Variants in IMMP2L observed in about 807,000 individuals in gnomAD.
IMMP2L encodes mitochondrial inner membrane protease subunit 2.
A neutral mutation model predicts 19.3 loss-of-function variants in IMMP2L; 18 were observed. The ratio of observed to expected loss-of-function variants is 0.93; its 90% CI spans 0.64 to 1.38. The LOEUF is 1.38. Ranked by LOEUF, IMMP2L falls within the 40% of genes most tolerant of loss-of-function variation. The pLI, the probability that IMMP2L is intolerant of heterozygous loss-of-function variation, is 0.00. For synonymous variants in IMMP2L, 76 were observed against 73.0 expected (o/e 1.04, Z -0.21); for missense variants, 233 against 218.2 (o/e 1.07, Z -0.43).
intron 3 of IMMP2L, among the ~76,000 whole-genome samples, chr7:111,101,493 T>G (rs1007202165): frequency 2.0e-5 from 3 of 151,520 alleles, no homozygotes; most frequent in African/African-American, 7.3e-5. Flanking sequence ...TGGGTTAAGA[T>G]TCAAGTCTTT....
rs371822020 is a variant in IMMP2L at position 110,745,750 on chromosome 7, A to T, written c.409-82029T>A. 1.6e-4 allele frequency among the ~76,000 whole-genome samples: 25 copies of T among 152,330 alleles called. 1 individual carries two copies. Among genetic ancestry groups the T allele is most frequent in the African/African-American group, 4.6e-4 (19 of 41,580 alleles). On this transcript the variant is annotated intron_variant, in intron 5 of 5. Coordinates refer to ENST00000405709, the MANE Select transcript of IMMP2L (RefSeq NM_032549.4). ...CTGCCCTACAGGAACTCCTCAAGGA[A>T]GCACTAAACATGGAAAGGAACAACC...
At chr7:110,956,025 T>A (rs1818321978) in intron 4 of IMMP2L, among the ~76,000 whole-genome samples, 1 of 152,156 alleles carries the variant, frequency 6.6e-6, no homozygotes, top group Admixed American at 6.6e-5. Context: ...ATTCATCGTT[T>A]GCTGGAACCT....
chr7:110,918,829 A>G, intron 4 of IMMP2L, among the ~76,000 whole-genome samples: 1 of 152,248 alleles, frequency 6.6e-6, no homozygotes, highest in African/African-American at 2.4e-5. Flanking sequence ...TTTCTCTAAT[A>G]ATTTTAAAAA....
intron 3 of IMMP2L, among the ~76,000 whole-genome samples, chr7:111,218,142 C>T (rs1812150507): frequency 6.6e-6 from 1 of 152,026 alleles, no homozygotes; most frequent in African/African-American, 2.4e-5. Context: ...AATTGTTTAG[C>T]TTAGCATTTA....
chr7:110,854,037 T>A (rs1343010263), intron 5 of IMMP2L, among the ~76,000 whole-genome samples: 3 of 151,870 alleles, frequency 2.0e-5, no homozygotes, highest in African/African-American at 7.2e-5. Flanking sequence ...TAAATCAAAG[T>A]GAAAGCAAAA....
At chr7:110,765,891 T>C (rs1002382907) in intron 5 of IMMP2L, among the ~76,000 whole-genome samples, 3 of 152,180 alleles carry the variant, frequency 2.0e-5, no homozygotes, top group Admixed American at 1.3e-4. Context: ...CTGTTTTTGC[T>C]AGTGCTGTAG....
chr7:111,503,765 C>A (rs1312548450), intron 2 of IMMP2L, among the ~76,000 whole-genome samples: 1 of 152,092 alleles, frequency 6.6e-6, no homozygotes, highest in Non-Finnish European at 1.5e-5. Context: ...TGACAAAATT[C>A]AACAACCCTT....
At chr7:111,338,251 T>C (rs1006710001) in intron 3 of IMMP2L, among the ~76,000 whole-genome samples, 1 of 152,138 alleles carries the variant, frequency 6.6e-6, no homozygotes, top group African/African-American at 2.4e-5. Flanking sequence ...GTAGAAGTTA[T>C]GTGTGATTAA....
chr7:111,011,562 T>A (rs1724413481), intron 3 of IMMP2L, among the ~76,000 whole-genome samples: 1 of 152,130 alleles, frequency 6.6e-6, no homozygotes, highest in Admixed American at 6.6e-5. Context: ...CCTGTGGCCT[T>A]CTTTTCTGGA....
intron 3 of IMMP2L, among the ~76,000 whole-genome samples, chr7:111,396,739 C>T (rs1293386827): frequency 6.6e-6 from 1 of 151,974 alleles, no homozygotes; most frequent in Non-Finnish European, 1.5e-5. Flanking sequence ...TAACAATATA[C>T]AATGCTAGTC....
At chr7:110,782,561 A>G (rs1799810530) in intron 5 of IMMP2L, among the ~76,000 whole-genome samples, 1 of 151,828 alleles carries the variant, frequency 6.6e-6, no homozygotes, top group Non-Finnish European at 1.5e-5. Context: ...TCTGTCAAGC[A>G]GTTTGACACA....
At chr7:111,079,318 C>T (rs1323077287) in intron 3 of IMMP2L, among the ~76,000 whole-genome samples, 4 of 151,422 alleles carry the variant, frequency 2.6e-5, no homozygotes, top group African/African-American at 4.9e-5. Flanking sequence ...GGGGTTTCAC[C>T]GTTTTAGCCG....
At chr7:110,931,095 G>A (rs1216003432) in intron 4 of IMMP2L, among the ~76,000 whole-genome samples, 1 of 152,166 alleles carries the variant, frequency 6.6e-6, no homozygotes, top group South Asian at 2.1e-4. Context: ...AGTGGGGGAT[G>A]AGAGGTGGTA....
chr7:111,161,464 T>C (rs1805253293), intron 3 of IMMP2L, among the ~76,000 whole-genome samples: 1 of 151,952 alleles, frequency 6.6e-6, no homozygotes, highest in Non-Finnish European at 1.5e-5. Context: ...TATATCAACA[T>C]TCTATAAGAA....
At chr7:110,837,438 A>G (rs182853676) in intron 5 of IMMP2L, among the ~76,000 whole-genome samples, 190 of 152,202 alleles carry the variant, frequency 1.2e-3, no homozygotes, top group South Asian at 3.7e-3. Flanking sequence ...AATATGCAAA[A>G]ATGTATGTAT....
At chr7:111,425,303 T>TGGGCCAG in intron 3 of IMMP2L, among the ~76,000 whole-genome samples, 1 of 151,254 alleles carries the variant, frequency 6.6e-6, no homozygotes, top group Non-Finnish European at 1.5e-5. Flanking sequence ...GGGATGATGT[T>TGGGCCAG]AATGTTCTGT....
chr7:110,843,497 G>A (rs1290618966), intron 5 of IMMP2L, among the ~76,000 whole-genome samples: 1 of 151,986 alleles, frequency 6.6e-6, no homozygotes, highest in Non-Finnish European at 1.5e-5. Context: ...ATATCCAAAG[G>A]TATTTGGATA....
intron 5 of IMMP2L, among the ~76,000 whole-genome samples, chr7:110,885,181 T>G (rs1810088585): frequency 6.6e-6 from 1 of 152,048 alleles, no homozygotes; most frequent in South Asian, 2.1e-4. Context: ...TTTGGATTTT[T>G]TTTTTATTTC....
intron 3 of IMMP2L, among the ~76,000 whole-genome samples, chr7:111,286,382 ATGACT>A (rs1344840820): frequency 6.6e-6 from 1 of 152,138 alleles, no homozygotes; most frequent in African/African-American, 2.4e-5. Context: ...CAACGCAATA[ATGACT>A]TAACTGAGAT....
Sources: gnomAD v4.1 joint callset for allele counts (sites outside exome capture counted in the v4.1 genomes callset) on GRCh38, gnomAD v4.1.1 for gene constraint, MANE v1.5 for transcripts, NCBI Gene and HGNC (gene_info 2026-07-23, HGNC 2026-07-21) for gene names.